The following TLL1 variants were observed in gnomAD, a reference collection of about 807,000 sequenced individuals.
TLL1 encodes the protein tolloid-like protein 1.
A neutral mutation model predicts 128.2 loss-of-function variants in TLL1; 49 were observed. The observed-to-expected ratio is 0.38, with a 90% confidence interval of 0.30 to 0.48. The LOEUF (loss-of-function observed/expected upper bound fraction) is 0.48, where lower values mean the gene tolerates loss of function less well. Ranked by LOEUF, TLL1 falls within the 20% of genes least tolerant of loss-of-function variation. The probability of loss-of-function intolerance (pLI) is 0.96; values close to 1 mark genes in which losing one functional copy is unlikely to be tolerated. For synonymous variants in TLL1, 454 were observed against 418.8 expected (o/e 1.08, Z -1.03); for missense variants, 1,123 against 1,242.0 (o/e 0.90, Z 1.44).
rs933404609 is a variant in TLL1, at chr4:166,074,860, G to C, written c.2189-18G>C. 6.2e-7 allele frequency: 1 copy of C among 1,612,622 alleles called. No individual in the cohort carries two copies. The highest frequency in any genetic ancestry group is 8.5e-7 in the Non-Finnish European group (1 of 1,179,100). ...TTTAAAGTTACTTACTAGACTATGG[G>C]ATTGATCTCTTTGCTAGACAAAGAT... On this transcript the variant is annotated intron_variant, in intron 16 of 20. Transcript: ENST00000061240.
intron 1 of TLL1, among the ~76,000 whole-genome samples, chr4:165,963,869 G>A (rs539574547): frequency 4.6e-5 from 7 of 152,208 alleles, no homozygotes; most frequent in African/African-American, 1.7e-4. Context: ...TGGAAGAATG[G>A]AAGACATGGA....
intron 1 of TLL1, among the ~76,000 whole-genome samples, chr4:165,958,826 A>G (rs1265412833): frequency 6.8e-6 from 1 of 147,430 alleles, no homozygotes; most frequent in Non-Finnish European, 1.5e-5. Context: ...GTTTTCTTCT[A>G]GGGTTTTTAT....
chr4:166,039,313 G>C (rs191843247), intron 9 of TLL1, 26 bp from the exon 10 acceptor site: 15 of 1,512,632 alleles, frequency 9.9e-6, no homozygotes, highest in Non-Finnish European at 1.3e-5. Context: ...TTTTTACTCT[G>C]TGGGTTGCTT....
intron 1 of TLL1, among the ~76,000 whole-genome samples, chr4:165,887,275 A>T (rs1234174498): frequency 6.6e-6 from 1 of 151,986 alleles, no homozygotes; most frequent in Non-Finnish European, 1.5e-5. Flanking sequence ...AAGTGGGAGG[A>T]GGGAGGCTTG....
chr4:166,003,316 A>T, intron 5 of TLL1, 75 bp from the exon 6 acceptor site: 1 of 1,495,706 alleles, frequency 6.7e-7, no homozygotes, highest in Non-Finnish European at 9.3e-7. Flanking sequence ...ACTATTCTTT[A>T]CAAAAAATTC....
At chr4:166,071,628 T>C (rs1740808793) in intron 16 of TLL1, among the ~76,000 whole-genome samples, 1 of 151,956 alleles carries the variant, frequency 6.6e-6, no homozygotes, top group Admixed American at 6.6e-5. Flanking sequence ...TGTCTCTCCT[T>C]CTCCCTTTTC....
intron 1 of TLL1, among the ~76,000 whole-genome samples, chr4:165,977,071 A>G (rs1735918121): frequency 6.6e-6 from 1 of 152,212 alleles, no homozygotes; most frequent in African/African-American, 2.4e-5. Flanking sequence ...AGAAAAAAAT[A>G]GGTTAATGTG....
Position 166,039,543 on chromosome 4 carries a change from G to A in TLL1, c.1261+102G>A, listed in dbSNP as rs3756019. 102 of 796,150 alleles carry A rather than the reference G, an allele frequency of 1.3e-4. 1 individual carries two copies. In the East Asian group the frequency reaches 2.6e-3, roughly 21 times the overall value. 49.3% of individuals were successfully genotyped at this position (796,150 alleles called of 1,614,324 possible). ...AGTCATCGTAGAGTTAAAAATGTGT[G>A]TGACTAACATTATTTTTATGTTAGT... On this transcript the variant is annotated intron_variant, in intron 10 of 20. Transcript: ENST00000061240.
chr4:166,057,307 A>G lies in TLL1; in HGVS notation c.1844A>G (p.Glu615Gly), dbSNP rs775163624. The change falls in exon 14 of 21, where the codon GAA becomes GGA. Residue 615 changes from glutamate (E) to glycine (G), a missense_variant and splice_region_variant. Transcript: ENST00000061240. The part of the protein sequence containing the change: ...YELGPDRRSC[E>G]AACGGLLTKL... ...CTGGGCCCAGACAGAAGGAGCTGTG[A>G]AGGTATGACTGCACTCCTTCCTGGA... The G allele has an allele frequency of 4.0e-5, 64 of 1,613,630 alleles. No individual in the cohort carries two copies. The highest frequency in any genetic ancestry group is 2.5e-4 in the South Asian group (23 of 91,074).
chr4:166,098,547 T>A (rs939864105), intron 19 of TLL1, among the ~76,000 whole-genome samples: 1 of 152,066 alleles, frequency 6.6e-6, no homozygotes, highest in Non-Finnish European at 1.5e-5. Flanking sequence ...AAAGGAGCTT[T>A]GAGGAACATT....
chr4:165,987,373 C>A (rs141133295), intron 1 of TLL1, among the ~76,000 whole-genome samples: 2 of 151,912 alleles, frequency 1.3e-5, no homozygotes, highest in African/African-American at 4.8e-5. Context: ...AAGTTTCTTG[C>A]GGGGGTCTGG....
chr4:166,056,465 G>A (rs1030080805), intron 13 of TLL1, among the ~76,000 whole-genome samples: 6 of 151,316 alleles, frequency 4.0e-5, no homozygotes, highest in African/African-American at 1.5e-4. Flanking sequence ...ATTAAAATGG[G>A]GTTATCATAT....
intron 14 of TLL1, among the ~76,000 whole-genome samples, chr4:166,059,504 G>A (rs1435117191): frequency 2.0e-5 from 3 of 151,976 alleles, no homozygotes; most frequent in South Asian, 4.1e-4. Context: ...TATCTTGTCT[G>A]GTAGCTCAGG....
intron 1 of TLL1, among the ~76,000 whole-genome samples, chr4:165,923,433 T>TTTTTTTTTTTTTC (rs1733131647): frequency 8.5e-6 from 1 of 117,702 alleles, no homozygotes; most frequent in Non-Finnish European, 1.8e-5. Flanking sequence ...TTTTTTTTTT[T>TTTTTTTTTTTTTC]TTTTTTTTTT....
At position 166,103,790 on chromosome 4, in the gene TLL1, A is replaced by G. The variant is rs2111172491; in HGVS notation, c.*2914A>G. 6.6e-6 allele frequency: 1 copy of G among 151,272 alleles called. No homozygotes were observed. The highest frequency in any genetic ancestry group is 1.5e-5 in the Non-Finnish European group (1 of 67,726). 9.4% of individuals were successfully genotyped at this position (151,272 alleles called of 1,614,324 possible). On this transcript the variant is annotated 3_prime_UTR_variant, in exon 21 of 21. Coordinates refer to ENST00000061240, the MANE Select transcript of TLL1 (RefSeq NM_012464.5). ...TTTAAATTATTTTCCACCCTACATCAGTATATTGGTTGTGCTTTATATTTG... is the reference window on the plus strand; with the variant it reads ...TTTAAATTATTTTCCACCCTACATCGGTATATTGGTTGTGCTTTATATTTG...
chr4:166,077,585 G>T lies in TLL1; in HGVS notation c.2315-318G>T, dbSNP rs187544462. Among the ~76,000 whole-genome samples, 642 of 152,174 alleles carry T rather than the reference G, an allele frequency of 4.2e-3. 7 individuals carry two copies. Among genetic ancestry groups the T allele is most frequent in the African/African-American group, 0.015 (610 of 41,498 alleles). On this transcript the variant is annotated intron_variant, in intron 17 of 20. Transcript: ENST00000061240. ...AAATACACCCAGTGTGGATATTCTCGACTGTCAATATATGTTGCACTGTTA... is the reference window on the plus strand; with the variant it reads ...AAATACACCCAGTGTGGATATTCTCTACTGTCAATATATGTTGCACTGTTA...
intron 16 of TLL1, among the ~76,000 whole-genome samples, chr4:166,068,153 T>C (rs1291544986): frequency 6.6e-6 from 1 of 151,828 alleles, no homozygotes; most frequent in Non-Finnish European, 1.5e-5. Flanking sequence ...GATGAGTGAT[T>C]AGATCTATTT....
At chr4:166,079,606 TTTGTGTG>T (rs751582815) in intron 18 of TLL1, among the ~76,000 whole-genome samples, 7 of 152,272 alleles carry the variant, frequency 4.6e-5, no homozygotes, top group Middle Eastern at 3.4e-3. Flanking sequence ...GGTGTATGTG[TTTGTGTG>T]TGTGTATATT....
chr4:166,065,900 A>C (rs748260698), intron 16 of TLL1, 37 bp downstream of exon 16: 2 of 1,337,344 alleles, frequency 1.5e-6, no homozygotes, highest in South Asian at 2.7e-5. Flanking sequence ...TATATTACAG[A>C]TTTTCAATGT....
Sources: gnomAD v4.1 joint callset for allele counts (sites outside exome capture counted in the v4.1 genomes callset) on GRCh38, gnomAD v4.1.1 for gene constraint, MANE v1.5 for transcripts, NCBI Gene and HGNC (gene_info 2026-07-23, HGNC 2026-07-21) for gene names.